The following TRDN variants were observed in gnomAD, a reference collection of about 807,000 sequenced individuals.
TRDN encodes the protein triadin, also known as triadin in skeletal muscle.
In TRDN, 161 loss-of-function variants were observed where a neutral mutation model predicts 149.7. That is an observed-to-expected ratio of 1.08 (90% CI 0.95 to 1.23). The LOEUF is 1.23. TRDN is among the 50% of genes most tolerant of loss of function. TRDN has a pLI of 0.00. For missense variants in TRDN, 896 were observed against 823.5 expected (o/e 1.09, Z -1.08); for synonymous variants, 294 against 250.5 (o/e 1.17, Z -1.64).
intron 38 of TRDN, among the ~76,000 whole-genome samples, chr6:123,241,096 C>T (rs1775971789): frequency 6.6e-6 from 1 of 150,928 alleles, no homozygotes; most frequent in African/African-American, 2.4e-5. Flanking sequence ...TTTACTTACT[C>T]ATTAATAGTA....
intron 1 of TRDN, among the ~76,000 whole-genome samples, chr6:123,616,758 C>T (rs914804425): frequency 1.3e-5 from 2 of 152,060 alleles, no homozygotes; most frequent in African/African-American, 4.8e-5. Context: ...ATGCTTATTC[C>T]AAATTTCTAT....
intron 2 of TRDN, among the ~76,000 whole-genome samples, chr6:123,553,898 C>G (rs991336792): frequency 6.6e-6 from 1 of 152,126 alleles, no homozygotes; most frequent in Non-Finnish European, 1.5e-5. Flanking sequence ...GGGACACTAT[C>G]AAACCATATC....
At position 123,273,012 on chromosome 6, in the gene TRDN, C is replaced by T; in HGVS notation, c.1625-1G>A. The T allele has an allele frequency of 6.7e-7, 1 of 1,497,252 alleles. No individual in the cohort carries two copies. The highest frequency in any genetic ancestry group is 8.9e-7 in the Non-Finnish European group (1 of 1,126,184). 92.7% of individuals were successfully genotyped at this position (1,497,252 alleles called of 1,614,324 possible). On this transcript the variant is annotated splice_acceptor_variant, in intron 28 of 40. Transcript: ENST00000334268. LOFTEE classifies it high-confidence loss of function. ...TTTTCTGGTTTCACTATGTCTTGTT[C>T]TGAAAATAATAAAAAGAAAATCTTT...
At chr6:123,306,103 T>C (rs781279285) in intron 24 of TRDN, among the ~76,000 whole-genome samples, 2 of 152,182 alleles carry the variant, frequency 1.3e-5, no homozygotes, top group African/African-American at 2.4e-5. Flanking sequence ...GCCTGTCTAA[T>C]CTTTGTAAAG....
intron 12 of TRDN, among the ~76,000 whole-genome samples, chr6:123,427,624 T>C (rs1774176247): frequency 6.6e-6 from 1 of 152,100 alleles, no homozygotes; most frequent in African/African-American, 2.4e-5. Context: ...GGAGTCCTCA[T>C]TCTTAGGGAT....
chr6:123,254,944 GT>G, intron 37 of TRDN, 136 bp downstream of exon 37: 1 of 608,886 alleles, frequency 1.6e-6, no homozygotes. Flanking sequence ...TTTTCTACCT[GT>G]CCACTTCCTC....
At chr6:123,277,827 G>A (rs781455955) in intron 26 of TRDN, among the ~76,000 whole-genome samples, 6 of 152,130 alleles carry the variant, frequency 3.9e-5, no homozygotes, top group Non-Finnish European at 5.9e-5. Context: ...CACCCAGTTT[G>A]TGGAATTTTA....
At chr6:123,397,798 A>G (rs1772795529) in intron 12 of TRDN, among the ~76,000 whole-genome samples, 1 of 152,200 alleles carries the variant, frequency 6.6e-6, no homozygotes, top group African/African-American at 2.4e-5. Context: ...ATTTGCATGG[A>G]TTTTGTTAAA....
chr6:123,575,595 T>G (rs1307748170), intron 1 of TRDN, among the ~76,000 whole-genome samples: 1 of 152,114 alleles, frequency 6.6e-6, no homozygotes, highest in Non-Finnish European at 1.5e-5. Flanking sequence ...AGGCCTGCTT[T>G]TTAATTCTAT....
At chr6:123,302,157 C>T (rs1349372555) in intron 24 of TRDN, among the ~76,000 whole-genome samples, 2 of 151,644 alleles carry the variant, frequency 1.3e-5, no homozygotes, top group African/African-American at 4.8e-5. Context: ...CTACTGATGA[C>T]AGATATAAAC....
At chr6:123,494,110 T>A (rs1055210141) in intron 9 of TRDN, among the ~76,000 whole-genome samples, 1 of 152,160 alleles carries the variant, frequency 6.6e-6, no homozygotes, top group African/African-American at 2.4e-5. Context: ...TGTAGGTAGA[T>A]GAAATAAATT....
At chr6:123,279,389 G>A (rs1170851132) in intron 24 of TRDN, among the ~76,000 whole-genome samples, 3 of 152,108 alleles carry the variant, frequency 2.0e-5, no homozygotes, top group Admixed American at 2.0e-4. Flanking sequence ...AAATATGACT[G>A]ACTGTGTTCC....
chr6:123,580,088 C>T (rs182873496), intron 1 of TRDN, among the ~76,000 whole-genome samples: 177 of 152,214 alleles, frequency 1.2e-3, no homozygotes, highest in Middle Eastern at 3.4e-3. Flanking sequence ...GGTACCAGCT[C>T]TTCTTTGTAT....
At chr6:123,375,232 A>G (rs1781463521) in intron 19 of TRDN, among the ~76,000 whole-genome samples, 1 of 152,196 alleles carries the variant, frequency 6.6e-6, no homozygotes, top group African/African-American at 2.4e-5. Context: ...CATTAGAGAC[A>G]GGATATTCAT....
At chr6:123,571,268 A>C in intron 1 of TRDN, 136 bp from the exon 2 acceptor site, 1 of 844,744 alleles carries the variant, frequency 1.2e-6, no homozygotes, top group Non-Finnish European at 1.8e-6. Context: ...GTGGCAGGAC[A>C]AAGCCTCCCT....
intron 24 of TRDN, among the ~76,000 whole-genome samples, chr6:123,289,055 T>C (rs1777905273): frequency 6.9e-6 from 1 of 145,902 alleles, no homozygotes; most frequent in South Asian, 2.1e-4. Context: ...ATATACACTA[T>C]ATATATATAG....
intron 24 of TRDN, among the ~76,000 whole-genome samples, chr6:123,281,252 A>C (rs1291402094): frequency 6.6e-6 from 1 of 152,200 alleles, no homozygotes; most frequent in East Asian, 1.9e-4. Flanking sequence ...CTGGGTTCTC[A>C]GAACAAAAGG....
intron 38 of TRDN, among the ~76,000 whole-genome samples, chr6:123,233,305 C>G (rs1005690370): frequency 6.6e-6 from 1 of 151,956 alleles, no homozygotes; most frequent in Non-Finnish European, 1.5e-5. Context: ...AAAGTAATAA[C>G]GAGTTTTAAA....
intron 5 of TRDN, chr6:123,529,097 G>A: frequency 6.8e-7 from 1 of 1,460,448 alleles, no homozygotes; most frequent in Non-Finnish European, 9.0e-7. Flanking sequence ...AATGCAAATG[G>A]TGCCATCTAC....
Sources: gnomAD v4.1 joint callset for allele counts (sites outside exome capture counted in the v4.1 genomes callset) on GRCh38, gnomAD v4.1.1 for gene constraint, MANE v1.5 for transcripts, NCBI Gene and HGNC (gene_info 2026-07-23, HGNC 2026-07-21) for gene names.